Variants in NEK5 observed in about 807,000 individuals in gnomAD.
The protein encoded by NEK5 is serine/threonine-protein kinase Nek5.
Under a neutral mutation model 109.2 loss-of-function variants are expected in NEK5, and 88 were observed. That is an observed-to-expected ratio of 0.81 (90% CI 0.68 to 0.96). NEK5 has a LOEUF of 0.96. Among genes scored for constraint, NEK5 ranks in the 40% least tolerant of loss-of-function variants. NEK5 has a pLI of 0.00. For synonymous variants in NEK5, 283 were observed against 299.9 expected, an observed-to-expected ratio of 0.94 and a Z score of 0.58; for missense variants, 834 against 920.7, an observed-to-expected ratio of 0.91 and a Z score of 1.22.
intron 4 of NEK5, 135 bp downstream of exon 4, chr13:52,119,183 CT>C: frequency 2.3e-6 from 1 of 435,588 alleles, no homozygotes; most frequent in Non-Finnish European, 4.1e-6. Context: ...ACGTCTCAAG[CT>C]GCAATTTAAG....
rs113982174 is a variant in NEK5 at position 52,086,335 on chromosome 13, C to A, written c.1421G>T (p.Arg474Leu). ...TTTCATGTCATTGTGGTACTGTTGG[C>A]GTATTTCCTCTAACTGCTTCCAATA... The part of the protein sequence containing the change: ...QEYWKQLEEI[R>L]QQYHNDMKEI... The change falls in exon 16 of 24, where the codon CGC (arginine) becomes CTC (leucine). Residue 474 changes from arginine (R) to leucine (L), a missense_variant. Physicochemically the swap from Arg to Leu is moderately radical, Grantham distance 102 (BLOSUM62 -2). Around this residue, in one of 2 missense-constraint regions of NEK5, gnomAD observed 777 missense variants for 824.7 expected, o/e 0.94. Transcript: ENST00000684899. The A allele has an allele frequency of 7.4e-6, 12 of 1,612,300 alleles. No individual in the cohort carries two copies. In the African/African-American group the frequency reaches 8.0e-5, roughly 11 times the overall value.
rs112254652 is a variant in NEK5 at position 52,112,367 on chromosome 13, T to C, written c.215-2A>G. On this transcript the variant is annotated splice_acceptor_variant, in intron 4 of 23. Coordinates refer to ENST00000684899, the MANE Select transcript of NEK5 (RefSeq NM_001365552.1). LOFTEE classifies it high-confidence loss of function. Reference sequence around the variant, plus strand: ...TTACAATAAACAGCCTGCCATTCTCTGTAAGAAAAGGAATCATTTGGTGCT... The same window carrying C: ...TTACAATAAACAGCCTGCCATTCTCCGTAAGAAAAGGAATCATTTGGTGCT... 28 of 1,582,398 alleles carry C rather than the reference T, an allele frequency of 1.8e-5. No homozygotes were observed. The African/African-American group carries it at 2.7e-4, about 15-fold the overall frequency.
rs562515384 is a variant in NEK5 at position 52,089,154 on chromosome 13, CT to C, written c.1275+92del. The C allele has an allele frequency of 2.4e-4, 189 of 797,840 alleles. 1 individual carries two copies. The African/African-American group carries it at 2.9e-3, about 12-fold the overall frequency. The allele number at this position is 797,840 out of a possible 1,614,324, so 49.4% of individuals were successfully genotyped here. ...GGGACTAGTAGAGAGTATTCTTGAC[CT>C]TCTGGTGGAATGAACTTTGACTTGA... is the stretch of plus-strand genomic sequence containing the variant. On this transcript the variant is annotated intron_variant, in intron 14 of 23. Transcript: ENST00000684899.
Position 52,060,739 on chromosome 13 carries a change from C to T in NEK5, c.2110+1080G>A, listed in dbSNP as rs1255303783. Among the ~76,000 whole-genome samples, 5 of 152,338 alleles carry T rather than the reference C, an allele frequency of 3.3e-5. No homozygotes were observed. In the East Asian group the frequency reaches 7.7e-4, roughly 23 times the overall value. ...CTCACTTCACCACAAAACCAGGTCC[C>T]AGACCTCACACTCATGCAGATGCTC... is the stretch of plus-strand genomic sequence containing the variant. On this transcript the variant is annotated intron_variant, in intron 22 of 23. Transcript: ENST00000684899.
chr13:52,120,450 ATATATT>A (rs1284538401), intron 3 of NEK5, among the ~76,000 whole-genome samples: 1 of 152,124 alleles, frequency 6.6e-6, no homozygotes, highest in African/African-American at 2.4e-5. Context: ...TATATGACAA[ATATATT>A]TATAATATAA....
At chr13:52,041,367 AT>A (rs961195470) in intron 23 of NEK5, among the ~76,000 whole-genome samples, 19 of 152,186 alleles carry the variant, frequency 1.2e-4, no homozygotes, top group Admixed American at 2.6e-4. Context: ...ATAAGAAAAA[AT>A]AATTATCTTG....
intron 14 of NEK5, among the ~76,000 whole-genome samples, chr13:52,087,927 T>TC (rs1566778540): frequency 7.8e-6 from 1 of 127,632 alleles, no homozygotes; most frequent in African/African-American, 3.0e-5. Context: ...GCCCAGCCTT[T>TC]CTTTTTTTTT....
At chr13:52,063,326 C>T (rs1169221449) in intron 21 of NEK5, among the ~76,000 whole-genome samples, 3 of 152,220 alleles carry the variant, frequency 2.0e-5, no homozygotes, top group East Asian at 1.9e-4. Context: ...CTGCCAGCCT[C>T]GGCCTCCCGA....
chr13:52,093,486 G>A (rs1955340499), intron 12 of NEK5, among the ~76,000 whole-genome samples: 1 of 152,060 alleles, frequency 6.6e-6, no homozygotes, highest in Admixed American at 6.6e-5. Context: ...CTTGAACCCA[G>A]GAGGTGGAGG....
In NEK5 at chr13:52,093,085, C is replaced by T. The variant is rs1312550476; in HGVS notation, c.1177G>A (p.Glu393Lys). The T allele has an allele frequency of 1.2e-6, 2 of 1,613,494 alleles. No homozygotes were observed. Residue 393 changes from glutamate (E) to lysine (K), a missense_variant, in exon 13 of 24, where the codon GAA becomes AAA. By Grantham distance (56) the Glu-to-Lys change is moderately conservative. Around this residue, in one of 2 missense-constraint regions of NEK5, gnomAD observed 777 missense variants for 824.7 expected, o/e 0.94. Coordinates refer to ENST00000684899, the MANE Select transcript of NEK5 (RefSeq NM_001365552.1). ...CTTGGGGATGGACCATGCCTCGTTTCCTGACCGTAATCCTCAACTCCAGTA... is the reference window on the plus strand; with the variant it reads ...CTTGGGGATGGACCATGCCTCGTTTTCTGACCGTAATCCTCAACTCCAGTA... ...ENTGVEDYGQ[E>K]TRHGPSPSQW... is the part of the protein sequence containing the mutation.
At chr13:52,074,557 T>C (rs1282805668) in intron 19 of NEK5, among the ~76,000 whole-genome samples, 1 of 152,150 alleles carries the variant, frequency 6.6e-6, no homozygotes, top group Non-Finnish European at 1.5e-5. Flanking sequence ...AACACCATTA[T>C]GAACATGGGC....
chr13:52,048,880 TAGAC>T (rs1250293897), intron 23 of NEK5, among the ~76,000 whole-genome samples: 4 of 152,154 alleles, frequency 2.6e-5, no homozygotes, highest in South Asian at 2.1e-4. Context: ...AAATTTCACT[TAGAC>T]AGGTGGAATA....
intron 22 of NEK5, among the ~76,000 whole-genome samples, chr13:52,055,967 T>TTTACA (rs1954551000): frequency 6.6e-6 from 1 of 151,422 alleles, no homozygotes; most frequent in Non-Finnish European, 1.5e-5. Flanking sequence ...TAAATGTAAA[T>TTTACA]GGACTAAATG....
chr13:52,099,669 AAAACAAAC>A lies in NEK5; in HGVS notation c.1026+66_1026+73del, dbSNP rs375969049. On this transcript the variant is annotated intron_variant, in intron 12 of 23. Transcript: ENST00000684899. ...TGGCGACAGAGCGAGACTCCGTCTC[AAAACAAAC>A]AAACAAACAAACAAAAAGCATATAC... 198 of 1,516,522 alleles carry A rather than the reference AAAACAAAC, an allele frequency of 1.3e-4. 1 individual carries two copies. In the East Asian group the frequency reaches 4.1e-3, roughly 31 times the overall value. 93.9% of individuals were successfully genotyped at this position (1,516,522 alleles called of 1,614,324 possible). A position where few individuals can be genotyped will look rare whatever the true frequency, so the allele number is the denominator to read the frequency against.
chr13:52,060,324 T>C (rs989936587), intron 22 of NEK5, among the ~76,000 whole-genome samples: 1 of 152,116 alleles, frequency 6.6e-6, no homozygotes, highest in African/African-American at 2.4e-5. Flanking sequence ...AAAATTACTA[T>C]GTTTTTGTAG....
Position 52,075,877 on chromosome 13 carries a change from T to C in NEK5, c.1654-51A>G. On this transcript the variant is annotated intron_variant, in intron 18 of 23. Coordinates refer to ENST00000684899, the MANE Select transcript of NEK5 (RefSeq NM_001365552.1). ...AAGTTTAGCAATTCAGTAAAAGCCT[T>C]AAAATTACAACTCCCTAGGTCAATT... 4 of 1,255,454 alleles carry C rather than the reference T, an allele frequency of 3.2e-6. No homozygotes were observed. In the South Asian group the frequency reaches 4.2e-5, roughly 13 times the overall value. 77.8% of individuals were successfully genotyped at this position (1,255,454 alleles called of 1,614,324 possible).
chr13:52,092,603 T>C (rs1321171707), intron 13 of NEK5, among the ~76,000 whole-genome samples: 1 of 151,826 alleles, frequency 6.6e-6, no homozygotes, highest in African/African-American at 2.4e-5. Context: ...GGGACTAACA[T>C]GGCCAGGCAT....
intron 22 of NEK5, among the ~76,000 whole-genome samples, chr13:52,055,430 G>A (rs1306192513): frequency 2.0e-5 from 3 of 151,894 alleles, no homozygotes; most frequent in Non-Finnish European, 2.9e-5. Flanking sequence ...CAACATTCAG[G>A]TTCAGGAAAT....
At chr13:52,125,995 G>A (rs1956058032) in intron 3 of NEK5, among the ~76,000 whole-genome samples, 1 of 152,104 alleles carries the variant, frequency 6.6e-6, no homozygotes, top group African/African-American at 2.4e-5. Context: ...ATTTTTTGTG[G>A]TAAGATAAAA....
Sources: allele counts gnomAD v4.1 joint callset (sites outside exome capture counted in the v4.1 genomes callset), GRCh38; gene constraint gnomAD v4.1.1; regional missense constraint gnomAD v4.1.1; transcripts MANE v1.5; gene names NCBI Gene and HGNC (gene_info 2026-07-23, HGNC 2026-07-21).